TENM3: variants seen among roughly 807,000 people sequenced by gnomAD.
TENM3 encodes the protein teneurin-3.
A neutral mutation model predicts 255.1 loss-of-function variants in TENM3; 63 were observed. The observed-to-expected ratio is 0.25, with a 90% CI of 0.20 to 0.30. The LOEUF is 0.30. Ranked by LOEUF, TENM3 falls within the 10% of genes least tolerant of loss-of-function variation. The pLI, the probability that TENM3 is intolerant of heterozygous loss-of-function variation, is 1.00. For missense variants in TENM3, 2,929 were observed against 3,461.1 expected (o/e 0.85, Z 3.86); for synonymous variants, 1,306 against 1,322.3 (o/e 0.99, Z 0.27).
At chr4:182,749,566 A>G (rs1366553605) in intron 19 of TENM3, among the ~76,000 whole-genome samples, 1 of 152,196 alleles carries the variant, frequency 6.6e-6, no homozygotes, top group African/African-American at 2.4e-5. Context: ...AGGATCTTAC[A>G]TATATAGTTC....
chr4:182,421,743 G>GA (rs1349279586), intron 3 of TENM3, among the ~76,000 whole-genome samples: 1 of 151,972 alleles, frequency 6.6e-6, no homozygotes, highest in East Asian at 1.9e-4. Context: ...AAAGAGCTGT[G>GA]AAAAAAAGAA....
chr4:181,936,489 G>A, the TENM3 span, among the ~76,000 whole-genome samples: 2,082 of 151,838 alleles, frequency 0.014, 18 homozygotes, highest in Non-Finnish European at 0.021. Flanking sequence ...CATCTCTTTC[G>A]CCTACCCTTC....
chr4:182,451,211 A>G (rs1214522509), intron 3 of TENM3, among the ~76,000 whole-genome samples: 1 of 152,194 alleles, frequency 6.6e-6, no homozygotes, highest in East Asian at 1.9e-4. Flanking sequence ...TACCAAATAA[A>G]ATCATACTAA....
At chr4:181,680,131 G>A in the TENM3 span, among the ~76,000 whole-genome samples, 206 of 151,976 alleles carry the variant, frequency 1.4e-3, 4 homozygotes, top group Middle Eastern at 3.4e-3. Flanking sequence ...TTTTATATTC[G>A]TGAAGGTAAA....
chr4:182,672,509 A>G (rs1449213100), intron 6 of TENM3, among the ~76,000 whole-genome samples: 4 of 152,154 alleles, frequency 2.6e-5, no homozygotes, highest in African/African-American at 4.8e-5. Flanking sequence ...TCATCCTAGT[A>G]TATCATTTAG....
At chr4:181,637,012 A>G in the TENM3 span, among the ~76,000 whole-genome samples, 8 of 152,044 alleles carry the variant, frequency 5.3e-5, no homozygotes, top group Admixed American at 2.0e-4. Context: ...CACACTGCAC[A>G]TTCGGTTTCC....
chr4:182,341,196 A>G (rs928496781), intron 2 of TENM3, among the ~76,000 whole-genome samples: 2 of 152,202 alleles, frequency 1.3e-5, no homozygotes, highest in South Asian at 4.1e-4. Context: ...TCAAGAAAAT[A>G]TATTTGTTTT....
upstream of TENM3, chr4:182,144,209 CACACA>C: frequency 8.5e-5 from 1 of 11,752 alleles, no homozygotes. Flanking sequence ...CCCGCACACA[CACACA>C]CACACACACA....
chr4:181,667,611 T>C, the TENM3 span, among the ~76,000 whole-genome samples: 3 of 152,146 alleles, frequency 2.0e-5, no homozygotes, highest in Non-Finnish European at 4.4e-5. Flanking sequence ...CACCCTCACT[T>C]TCTCTTGCCC....
chr4:182,660,750 T>G (rs1434749865), intron 6 of TENM3, among the ~76,000 whole-genome samples: 1 of 152,364 alleles, frequency 6.6e-6, no homozygotes, highest in East Asian at 1.9e-4. Flanking sequence ...TTTACATTTG[T>G]CTAATGAGCA....
intron 1 of TENM3, among the ~76,000 whole-genome samples, chr4:182,320,358 A>G (rs978753250): frequency 2.6e-5 from 4 of 152,190 alleles, no homozygotes; most frequent in African/African-American, 9.6e-5. Flanking sequence ...TGCGGTCCAG[A>G]GAAGAATCTG....
At chr4:182,385,206 G>T (rs1767829216) in intron 3 of TENM3, among the ~76,000 whole-genome samples, 1 of 149,232 alleles carries the variant, frequency 6.7e-6, no homozygotes, top group Non-Finnish European at 1.5e-5. Flanking sequence ...ATGTAGAATT[G>T]TACCAGCAGG....
chr4:181,622,445 G>A, the TENM3 span, among the ~76,000 whole-genome samples: 1 of 152,164 alleles, frequency 6.6e-6, no homozygotes, highest in Non-Finnish European at 1.5e-5. Context: ...GGAGGCTGAG[G>A]CAGGTGAATC....
the TENM3 span, among the ~76,000 whole-genome samples, chr4:182,112,696 C>T: frequency 3.9e-5 from 6 of 152,120 alleles, no homozygotes; most frequent in Non-Finnish European, 8.8e-5. Context: ...ATATAAAAAC[C>T]GTATACAAAG....
chr4:181,742,916 A>G, the TENM3 span, among the ~76,000 whole-genome samples: 6 of 149,632 alleles, frequency 4.0e-5, no homozygotes, highest in South Asian at 2.1e-4. Context: ...TATAAGTGAG[A>G]ATATGCGGTG....
chr4:181,961,215 A>T, the TENM3 span, among the ~76,000 whole-genome samples: 3 of 152,186 alleles, frequency 2.0e-5, no homozygotes, highest in African/African-American at 7.2e-5. Flanking sequence ...AACTGAGCAA[A>T]ATAAAGGAGA....
intron 1 of TENM3, among the ~76,000 whole-genome samples, chr4:182,298,972 A>C (rs1761667391): frequency 7.5e-6 from 1 of 133,726 alleles, no homozygotes; most frequent in Non-Finnish European, 1.6e-5. Context: ...GCAACAGAGC[A>C]AGACTCCTTC....
At chr4:182,735,107 T>C (rs928943728) in intron 16 of TENM3, among the ~76,000 whole-genome samples, 1 of 152,172 alleles carries the variant, frequency 6.6e-6, no homozygotes, top group African/African-American at 2.4e-5. Flanking sequence ...CAACCTACAG[T>C]CTTACAAAAG....
intron 3 of TENM3, among the ~76,000 whole-genome samples, chr4:182,587,467 T>C (rs1746144372): frequency 6.6e-6 from 1 of 152,122 alleles, no homozygotes; most frequent in Admixed American, 6.6e-5. Flanking sequence ...TAGTTCCAGC[T>C]ACTGGGGAGG....
Sources: gnomAD v4.1 joint callset for allele counts (sites outside exome capture counted in the v4.1 genomes callset) on GRCh38, gnomAD v4.1.1 for gene constraint, MANE v1.5 for transcripts, NCBI Gene and HGNC (gene_info 2026-07-23, HGNC 2026-07-21) for gene names.